PARD3B: variants seen among roughly 807,000 people sequenced by gnomAD.
PARD3B encodes partitioning defective 3 homolog B.
Under a neutral mutation model 130.2 loss-of-function variants are expected in PARD3B, and 103 were observed. The ratio of observed to expected loss-of-function variants is 0.79; its 90% confidence interval spans 0.67 to 0.93. The LOEUF is 0.93. Ranked by LOEUF, PARD3B falls within the 40% of genes least tolerant of loss-of-function variation. The pLI, the probability that PARD3B is intolerant of heterozygous loss-of-function variation, is 0.00. For missense variants in PARD3B, 1,609 were observed against 1,499.2 expected (o/e 1.07, Z -1.21); for synonymous variants, 583 against 553.2 (o/e 1.05, Z -0.76).
chr2:204,638,448 G>C (rs969928466), intron 1 of PARD3B, among the ~76,000 whole-genome samples: 2 of 152,160 alleles, frequency 1.3e-5, no homozygotes, highest in Non-Finnish European at 1.5e-5. Context: ...GCAATGTGCT[G>C]AATTGATTTT....
At chr2:204,926,098 A>G (rs187234679) in intron 2 of PARD3B, among the ~76,000 whole-genome samples, 1 of 152,024 alleles carries the variant, frequency 6.6e-6, no homozygotes, top group African/African-American at 2.4e-5. Context: ...ACACACCTAC[A>G]TTTTACCACT....
chr2:205,219,997 A>G (rs1374939928), intron 15 of PARD3B, among the ~76,000 whole-genome samples: 1 of 152,186 alleles, frequency 6.6e-6, no homozygotes, highest in African/African-American at 2.4e-5. Context: ...TCAGGATTCA[A>G]AAAGGTCTCA....
intron 3 of PARD3B, among the ~76,000 whole-genome samples, chr2:204,980,848 T>C (rs1692605396): frequency 6.6e-6 from 1 of 152,180 alleles, no homozygotes; most frequent in South Asian, 2.1e-4. Context: ...TATCCTAAAC[T>C]GGATCCTGGA....
intron 15 of PARD3B, among the ~76,000 whole-genome samples, chr2:205,226,765 T>G (rs1000238185): frequency 1.8e-4 from 27 of 152,236 alleles, no homozygotes; most frequent in African/African-American, 6.3e-4. Flanking sequence ...ACTTTAGCTG[T>G]GTAGTATAAT....
rs563920358 is a variant in PARD3B at position 205,461,788 on chromosome 2, G to A, written c.3044+21116G>A. ...CAATTTGCATTTCTAACAAGCTGCCGAATGATACTCATGCTGCTGGCCTGG... is the reference window on the plus strand; with the variant it reads ...CAATTTGCATTTCTAACAAGCTGCCAAATGATACTCATGCTGCTGGCCTGG... On this transcript the variant is annotated intron_variant, in intron 20 of 22. Coordinates refer to ENST00000406610, the MANE Select transcript of PARD3B (RefSeq NM_001302769.2). The surrounding 1 kb of genome is among the most constrained non-coding windows in gnomAD (Gnocchi z 4.3). 6.6e-5 allele frequency among the ~76,000 whole-genome samples: 10 copies of A among 152,218 alleles called. No homozygotes were observed. Among genetic ancestry groups the A allele is most frequent in the East Asian group, 3.9e-4 (2 of 5,188 alleles).
intron 2 of PARD3B, among the ~76,000 whole-genome samples, chr2:204,821,643 T>C (rs1372383738): frequency 1.3e-5 from 2 of 151,570 alleles, no homozygotes; most frequent in Admixed American, 6.6e-5. Context: ...TGTATACATA[T>C]GTAACTAACC....
At chr2:205,355,198 A>T (rs528690481) in intron 18 of PARD3B, among the ~76,000 whole-genome samples, 1 of 152,126 alleles carries the variant, frequency 6.6e-6, no homozygotes, top group South Asian at 2.1e-4. Flanking sequence ...AACAGTCCCA[A>T]TGTTTTCATT....
chr2:205,267,643 A>T (rs1266204304), intron 16 of PARD3B, among the ~76,000 whole-genome samples: 3 of 152,176 alleles, frequency 2.0e-5, no homozygotes, highest in Non-Finnish European at 4.4e-5. Flanking sequence ...AATTTTAATG[A>T]TTCCGCAGTC....
chr2:204,920,882 A>G (rs569545766), intron 2 of PARD3B, among the ~76,000 whole-genome samples: 53 of 152,138 alleles, frequency 3.5e-4, no homozygotes, highest in Non-Finnish European at 5.7e-4. Context: ...GTCAGATGCA[A>G]TTTGGTGCTA....
At chr2:204,977,705 GGGAGGC>G (rs952252831) in intron 3 of PARD3B, among the ~76,000 whole-genome samples, 4 of 151,876 alleles carry the variant, frequency 2.6e-5, no homozygotes, top group African/African-American at 9.7e-5. Flanking sequence ...CCAGCTACTC[GGGAGGC>G]TGAGGCAGGA....
chr2:205,386,765 G>T (rs2045675449), intron 18 of PARD3B, among the ~76,000 whole-genome samples: 1 of 151,876 alleles, frequency 6.6e-6, no homozygotes, highest in Non-Finnish European at 1.5e-5. Context: ...TGAGTTGAGG[G>T]GTTCAGGTCC....
chr2:204,868,947 T>G (rs183832847), intron 2 of PARD3B, among the ~76,000 whole-genome samples: 1 of 152,310 alleles, frequency 6.6e-6, no homozygotes. Flanking sequence ...TCAGGTGTTA[T>G]ACTTATCCGT....
intron 2 of PARD3B, among the ~76,000 whole-genome samples, chr2:204,753,522 C>A (rs944093110): frequency 2.9e-4 from 43 of 146,490 alleles, no homozygotes; most frequent in Non-Finnish European, 1.0e-4. Flanking sequence ...TATAAATAAA[C>A]GGAACCCCCC....
chr2:205,226,562 C>T (rs1044686001), intron 15 of PARD3B, among the ~76,000 whole-genome samples: 1 of 152,106 alleles, frequency 6.6e-6, no homozygotes, highest in Admixed American at 6.5e-5. Context: ...AGTCTAGTTT[C>T]ATTCTCCTGC....
At chr2:205,467,995 T>G (rs940633804) in intron 20 of PARD3B, among the ~76,000 whole-genome samples, 1 of 152,170 alleles carries the variant, frequency 6.6e-6, no homozygotes, top group African/African-American at 2.4e-5. Context: ...GTTCCCCACA[T>G]TAGGTGCCAG....
intron 2 of PARD3B, among the ~76,000 whole-genome samples, chr2:204,842,205 A>C (rs1330904296): frequency 6.6e-6 from 1 of 152,120 alleles, no homozygotes; most frequent in East Asian, 1.9e-4. Flanking sequence ...TTTCAAAGCA[A>C]TAGTCTTTCA....
chr2:205,446,117 T>C lies in PARD3B; in HGVS notation c.3044+5445T>C, dbSNP rs2047898752. Among the ~76,000 whole-genome samples, 1 of 151,990 alleles carries C rather than the reference T, an allele frequency of 6.6e-6. No homozygotes were observed. Among genetic ancestry groups the C allele is most frequent in the Non-Finnish European group, 1.5e-5 (1 of 67,976 alleles). On this transcript the variant is annotated intron_variant, in intron 20 of 22. Transcript: ENST00000406610. The surrounding 1 kb of genome is among the most constrained non-coding windows in gnomAD (Gnocchi z 4.4). ...AAAACAGAGGGGAGAGGAAGCATGA[T>C]GTGTTAGGGGGACTGAAAGACTCTC...
intron 10 of PARD3B, among the ~76,000 whole-genome samples, chr2:205,141,325 T>C (rs528604016): frequency 6.6e-6 from 1 of 152,346 alleles, no homozygotes; most frequent in East Asian, 1.9e-4. Context: ...GAGCAACTTT[T>C]AGTTGGCTTT....
chr2:204,908,824 A>G (rs935192520), intron 2 of PARD3B, among the ~76,000 whole-genome samples: 9 of 152,204 alleles, frequency 5.9e-5, no homozygotes, highest in African/African-American at 1.9e-4. Flanking sequence ...AGAGATGTTT[A>G]CTTTTTCTGT....
Sources: allele counts gnomAD v4.1 joint callset (sites outside exome capture counted in the v4.1 genomes callset), GRCh38; gene constraint gnomAD v4.1.1; non-coding constraint Gnocchi (gnomAD v3.1); transcripts MANE v1.5; gene names NCBI Gene and HGNC (gene_info 2026-07-23, HGNC 2026-07-21).